The following MYOM1 variants were observed in gnomAD, a reference collection of about 807,000 sequenced individuals.
The protein encoded by MYOM1 is myomesin 1.
Under a neutral mutation model 205.3 loss-of-function variants are expected in MYOM1, and 164 were observed. The ratio of observed to expected loss-of-function variants is 0.80; its 90% CI spans 0.70 to 0.91. MYOM1 has a LOEUF of 0.91. MYOM1 is among the 40% of genes least tolerant of loss of function. The probability of loss-of-function intolerance (pLI) is 0.00; values close to 1 mark genes in which losing one functional copy is unlikely to be tolerated. For missense variants in MYOM1, 2,011 were observed against 2,127.3 expected (o/e 0.95, Z 1.08); for synonymous variants, 772 against 789.4 (o/e 0.98, Z 0.37).
At chr18:3,069,014 A>G (rs926273648) in intron 37 of MYOM1, among the ~76,000 whole-genome samples, 11 of 152,106 alleles carry the variant, frequency 7.2e-5, no homozygotes, top group African/African-American at 1.7e-4. Flanking sequence ...GTCTCAAGCA[A>G]TCTTCCCATC....
rs1040167630 is a variant in MYOM1 at position 3,152,824 on chromosome 18, G to T, written c.1644-931C>A. 4.6e-5 allele frequency among the ~76,000 whole-genome samples: 7 copies of T among 152,264 alleles called. No individual in the cohort carries two copies. Among genetic ancestry groups the T allele is most frequent in the Non-Finnish European group, 8.8e-5 (6 of 68,014 alleles). ...GTGGCAGGACAGAGGTGGCTGGTGT[G>T]GGGGGTGTATCTCCCCTCCTCACAA... On this transcript the variant is annotated intron_variant, in intron 11 of 37. Coordinates refer to ENST00000356443, the MANE Select transcript of MYOM1 (RefSeq NM_003803.4). This position sits in a 1 kb window ranked among gnomAD's most constrained non-coding sequence, Gnocchi z 4.3.
chr18:3,186,830 G>GAGAA (rs2080821872), intron 5 of MYOM1, among the ~76,000 whole-genome samples: 1 of 140,030 alleles, frequency 7.1e-6, no homozygotes. Flanking sequence ...GAAAGAGAAA[G>GAGAA]AAAGAAGAGA....
chr18:3,165,030 C>T (rs2080447793), intron 9 of MYOM1, among the ~76,000 whole-genome samples: 1 of 152,024 alleles, frequency 6.6e-6, no homozygotes, highest in Admixed American at 6.6e-5. Context: ...TTTAGAAGGA[C>T]CTTTCTGCTG....
At chr18:3,127,025 G>C in intron 18 of MYOM1, 128 bp from the exon 19 acceptor site, 1 of 770,852 alleles carries the variant, frequency 1.3e-6, no homozygotes, top group Non-Finnish European at 2.1e-6. Flanking sequence ...CGAGGCTGAT[G>C]AACTTGGCAT....
At position 3,135,776 on chromosome 18, in the gene MYOM1, G is replaced by A; in HGVS notation, c.2026-46C>T. 6.2e-7 allele frequency: 1 copy of A among 1,604,456 alleles called. No individual in the cohort carries two copies. The highest frequency in any genetic ancestry group is 8.5e-7 in the Non-Finnish European group (1 of 1,173,616). On this transcript the variant is annotated intron_variant, in intron 14 of 37. Coordinates refer to ENST00000356443, the MANE Select transcript of MYOM1 (RefSeq NM_003803.4). This position sits in a 1 kb window ranked among gnomAD's most constrained non-coding sequence, Gnocchi z 4.1. ...CCCATTGAAAGCACAGCAAACACAA[G>A]CGAGAATCCAGGCCAGGCAACTCCA...
intron 23 of MYOM1, 47 bp from the exon 24 acceptor site, chr18:3,100,473 G>T: frequency 7.2e-7 from 1 of 1,382,444 alleles, no homozygotes; most frequent in Non-Finnish European, 1.0e-6. Context: ...TGTGGGATCT[G>T]TGGGCCTGTG....
intron 2 of MYOM1, among the ~76,000 whole-genome samples, chr18:3,213,396 T>C (rs1228333090): frequency 2.0e-5 from 3 of 152,226 alleles, no homozygotes; most frequent in Non-Finnish European, 4.4e-5. Flanking sequence ...GAAATGTCTA[T>C]GTTTTGAAGA....
chr18:3,125,313 G>A (rs2079762917), intron 19 of MYOM1, among the ~76,000 whole-genome samples: 1 of 152,162 alleles, frequency 6.6e-6, no homozygotes, highest in South Asian at 2.1e-4. Context: ...TTTGCTTGAT[G>A]TAGCTAAAAA....
In MYOM1 at chr18:3,215,162, TC is replaced by T; in HGVS notation, c.61del (p.Asp21ThrfsTer6). 6.2e-7 allele frequency: 1 copy of T among 1,613,640 alleles called. No individual in the cohort carries two copies. The highest frequency in any genetic ancestry group is 8.5e-7 in the Non-Finnish European group (1 of 1,179,782). On this transcript the variant is annotated frameshift_variant, in exon 2 of 38. Transcript: ENST00000356443. LOFTEE classifies it high-confidence loss of function. ...GTAGTGACTCACGGTGCTGCGCACG[TC>T]CTTGTTGCGGTAGCTGAGATCATAG... ...QHYDLSYRNK[D>X]VRSTVSHYQR... is the part of the protein sequence containing the mutation.
intron 8 of MYOM1, among the ~76,000 whole-genome samples, chr18:3,171,563 A>C (rs1218927774): frequency 6.6e-6 from 1 of 152,110 alleles, no homozygotes. Context: ...TCACGTCCTC[A>C]ATCTTTTATC....
chr18:3,242,201 G>A, the MYOM1 span, among the ~76,000 whole-genome samples: 1 of 152,128 alleles, frequency 6.6e-6, no homozygotes, highest in African/African-American at 2.4e-5. Context: ...GGGCCAGGGT[G>A]GAAGGATACG....
chr18:3,184,407 A>G (rs2080781344), intron 5 of MYOM1, among the ~76,000 whole-genome samples: 1 of 152,204 alleles, frequency 6.6e-6, no homozygotes, highest in Admixed American at 6.5e-5. Flanking sequence ...TCCAAGTTGT[A>G]TCAGCTTCAT....
At chr18:3,178,460 CT>C (rs1224800993) in intron 5 of MYOM1, among the ~76,000 whole-genome samples, 3 of 152,188 alleles carry the variant, frequency 2.0e-5, no homozygotes, top group Non-Finnish European at 4.4e-5. Context: ...TTTCTTCAGA[CT>C]TGTGGACACG....
chr18:3,232,240 G>C, the MYOM1 span, among the ~76,000 whole-genome samples: 1 of 151,886 alleles, frequency 6.6e-6, no homozygotes, highest in African/African-American at 2.4e-5. Context: ...TGAGGCACAA[G>C]AATTGCTTGA....
chr18:3,169,139 T>C (rs2080517027), intron 8 of MYOM1, among the ~76,000 whole-genome samples, 158 bp from the exon 9 acceptor site: 1 of 151,964 alleles, frequency 6.6e-6, no homozygotes, highest in Non-Finnish European at 1.5e-5. Context: ...ATAAGAAGTA[T>C]TTAGAACATA....
In MYOM1 at chr18:3,135,643, C is replaced by A. The variant is rs765424471; in HGVS notation, c.2113G>T (p.Gly705Trp). 1.2e-6 allele frequency: 2 copies of A among 1,613,810 alleles called. No individual in the cohort carries two copies. Among genetic ancestry groups the A allele is most frequent in the African/African-American group, 1.3e-5 (1 of 74,920 alleles). Residue 705 changes from glycine (G) to tryptophan (W), a missense_variant, in exon 15 of 38, where the codon GGG (glycine) becomes TGG (tryptophan). Gly to Trp is a radical substitution (Grantham distance 184). Transcript: ENST00000356443. This position sits in a 1 kb window ranked among gnomAD's most constrained non-coding sequence, Gnocchi z 4.1. ...PRFALFDLAE[G>W]KSYCFRVRCS... is the part of the protein sequence containing the mutation. Reference sequence around the variant, plus strand: ...CGGACACGGAAACAGTAGGATTTCCCCTCGGCCAAGTCAAACAGAGCAAAG... The same window carrying A: ...CGGACACGGAAACAGTAGGATTTCCACTCGGCCAAGTCAAACAGAGCAAAG...
chr18:3,205,899 G>A (rs939088959), intron 2 of MYOM1, among the ~76,000 whole-genome samples: 1 of 152,086 alleles, frequency 6.6e-6, no homozygotes, highest in Non-Finnish European at 1.5e-5. Context: ...GCAAAATACT[G>A]TGTTTGGCAC....
At position 3,152,937 on chromosome 18, in the gene MYOM1, C is replaced by T. The variant is rs1159690269; in HGVS notation, c.1644-1044G>A. 6.6e-6 allele frequency among the ~76,000 whole-genome samples: 1 copy of T among 152,116 alleles called. No individual in the cohort carries two copies. Among genetic ancestry groups the T allele is most frequent in the Admixed American group, 6.5e-5 (1 of 15,280 alleles). On this transcript the variant is annotated intron_variant, in intron 11 of 37. Transcript: ENST00000356443. This position sits in a 1 kb window ranked among gnomAD's most constrained non-coding sequence, Gnocchi z 4.3. The stretch of plus-strand genomic sequence containing the variant: ...TTCCTCACTTTCCTTATGTAAAGTG[C>T]TGTCAAATGTGGCTTCAATCCCTGC...
chr18:3,215,037 G>A lies in MYOM1; in HGVS notation c.187C>T (p.Arg63Trp), dbSNP rs1324366209. ...AHRRESEAFRRASASSSQQQA... is the reference protein window; with the variant it reads ...AHRRESEAFRWASASSSQQQA... ...TGCTGGGAGGAGGAGGCGGACGCCC[G>A]ACGGAAGGCCTCGGACTCCCGGCGG... The change falls in exon 2 of 38, where the codon CGG (arginine) becomes TGG (tryptophan). Residue 63 changes from arginine (R) to tryptophan (W), a missense_variant. Transcript: ENST00000356443. 12 of 1,612,630 alleles carry A rather than the reference G, an allele frequency of 7.4e-6. No individual in the cohort carries two copies. The highest frequency in any genetic ancestry group is 1.7e-5 in the Admixed American group (1 of 59,940).
Sources: allele counts gnomAD v4.1 joint callset (sites outside exome capture counted in the v4.1 genomes callset), GRCh38; gene constraint gnomAD v4.1.1; non-coding constraint Gnocchi (gnomAD v3.1); transcripts MANE v1.5; gene names NCBI Gene and HGNC (gene_info 2026-07-23, HGNC 2026-07-21).